Variants in XPO4 observed in about 807,000 individuals in gnomAD.
The protein encoded by XPO4 is exportin 4, also known as exportin-4.
XPO4 carries 39 observed loss-of-function variants against 143.0 expected under a neutral mutation model. That is an observed-to-expected ratio of 0.27 (90% confidence interval 0.21 to 0.36). The LOEUF (loss-of-function observed/expected upper bound fraction) is 0.36, where lower values mean the gene tolerates loss of function less well. Among genes scored for constraint, XPO4 ranks in the 10% least tolerant of loss-of-function variants. The pLI, the probability that XPO4 is intolerant of heterozygous loss-of-function variation, is 1.00. For missense variants in XPO4, 907 were observed against 1,348.0 expected (o/e 0.67, Z 5.12); for synonymous variants, 439 against 474.0 (o/e 0.93, Z 0.96).
intron 7 of XPO4, among the ~76,000 whole-genome samples, chr13:20,824,904 A>G (rs2059764797): frequency 6.6e-6 from 1 of 152,220 alleles, no homozygotes; most frequent in African/African-American, 2.4e-5. Flanking sequence ...ACATCCAGTA[A>G]GCACTGGGAT....
chr13:20,854,159 C>G (rs1009775303), intron 4 of XPO4, among the ~76,000 whole-genome samples: 6 of 151,960 alleles, frequency 3.9e-5, no homozygotes, highest in African/African-American at 1.4e-4. Context: ...CTAAGGAAAA[C>G]AAAAAACACG....
At chr13:20,870,936 C>A (rs1412440163) in intron 1 of XPO4, among the ~76,000 whole-genome samples, 1 of 151,936 alleles carries the variant, frequency 6.6e-6, no homozygotes, top group African/African-American at 2.4e-5. Flanking sequence ...TCAGTCTCCT[C>A]AGTAGCTGGG....
Position 20,902,689 on chromosome 13 carries a change from T to C in XPO4, c.50A>G (p.Asn17Ser), listed in dbSNP as rs2060633829. Residue 17 changes from asparagine to serine, a missense_variant, in exon 1 of 23, where the codon AAC becomes AGC. Coordinates refer to ENST00000255305, the MANE Select transcript of XPO4 (RefSeq NM_022459.5). Reference protein sequence around the residue: ...GPPEVIAQLENAAKVLMAPPS... With the variant: ...GPPEVIAQLESAAKVLMAPPS... ...CCTCACCATCAGAACTTTAGCCGCG[T>C]TCTCCAGCTGAGCGATCACTTCTGG... is the stretch of plus-strand genomic sequence containing the variant. 1 of 1,584,368 alleles carries C rather than the reference T, an allele frequency of 6.3e-7. No homozygotes were observed. The highest frequency in any genetic ancestry group is 8.6e-7 in the Non-Finnish European group (1 of 1,165,978).
chr13:20,897,949 C>T (rs747926921), intron 1 of XPO4, among the ~76,000 whole-genome samples: 5 of 152,084 alleles, frequency 3.3e-5, no homozygotes, highest in Non-Finnish European at 7.3e-5. Context: ...GTCATGGTTT[C>T]GCCATGTTGG....
At chr13:20,823,776 T>C (rs2059750070) in intron 7 of XPO4, among the ~76,000 whole-genome samples, 2 of 152,094 alleles carry the variant, frequency 1.3e-5, no homozygotes, top group Non-Finnish European at 2.9e-5. Flanking sequence ...CTCAGTCTCC[T>C]GAGTAGCTGG....
chr13:20,829,887 C>G (rs1206207555), intron 6 of XPO4, among the ~76,000 whole-genome samples: 1 of 152,044 alleles, frequency 6.6e-6, no homozygotes, highest in Non-Finnish European at 1.5e-5. Context: ...AAACCTAAAC[C>G]AAAATTCTCA....
intron 1 of XPO4, among the ~76,000 whole-genome samples, chr13:20,891,925 C>T (rs949361341): frequency 6.6e-6 from 1 of 151,610 alleles, no homozygotes; most frequent in African/African-American, 2.4e-5. Context: ...TGGACTCAAG[C>T]AATTCTGCCT....
Position 20,779,307 on chromosome 13 carries a change from A to G in XPO4, c.*4415T>C, listed in dbSNP as rs949822563. The G allele has an allele frequency of 6.6e-6, 1 of 152,604 alleles. No individual in the cohort carries two copies. Among genetic ancestry groups the G allele is most frequent in the Admixed American group, 6.5e-5 (1 of 15,282 alleles). 9.5% of individuals were successfully genotyped at this position (152,604 alleles called of 1,614,324 possible). On this transcript the variant is annotated 3_prime_UTR_variant, in exon 23 of 23. Coordinates refer to ENST00000255305, the MANE Select transcript of XPO4 (RefSeq NM_022459.5). ...CAATTTGTAATAATTTTATGTGGTA[A>G]AAGACACCACACCAGGAAGCCTGGG... is the stretch of plus-strand genomic sequence containing the variant.
chr13:20,886,849 G>C (rs552094814), intron 1 of XPO4, among the ~76,000 whole-genome samples: 193 of 152,134 alleles, frequency 1.3e-3, no homozygotes, highest in Non-Finnish European at 2.2e-3. Context: ...CAAGGCGGGC[G>C]TATCACCTGA....
intron 1 of XPO4, among the ~76,000 whole-genome samples, chr13:20,880,501 T>C (rs1207738956): frequency 6.6e-6 from 1 of 151,464 alleles, no homozygotes; most frequent in African/African-American, 2.4e-5. Context: ...CCTCAAAAAA[T>C]CAAAGATAAA....
chr13:20,881,192 A>T (rs942247756), intron 1 of XPO4, among the ~76,000 whole-genome samples: 1 of 152,150 alleles, frequency 6.6e-6, no homozygotes, highest in Non-Finnish European at 1.5e-5. Flanking sequence ...TCCAGTTTGG[A>T]AAAGTTCTGG....
chr13:20,846,328 G>A (rs2060028674), intron 4 of XPO4, among the ~76,000 whole-genome samples: 1 of 152,044 alleles, frequency 6.6e-6, no homozygotes, highest in Admixed American at 6.5e-5. Context: ...TGTGGTTTAC[G>A]GTCAAGATGA....
chr13:20,820,784 T>G (rs1043571284), intron 9 of XPO4, among the ~76,000 whole-genome samples: 6 of 152,222 alleles, frequency 3.9e-5, no homozygotes, highest in African/African-American at 1.4e-4. Flanking sequence ...TCGAGTTCTC[T>G]ATTCTCTGAA....
chr13:20,846,708 C>T (rs2060032871), intron 4 of XPO4, among the ~76,000 whole-genome samples: 1 of 152,120 alleles, frequency 6.6e-6, no homozygotes, highest in African/African-American at 2.4e-5. Flanking sequence ...AAATTGTCTA[C>T]AATCCTACCA....
At chr13:20,801,085 T>G (rs1306741885) in intron 13 of XPO4, 95 bp from the exon 14 acceptor site, 10 of 1,403,466 alleles carry the variant, frequency 7.1e-6, no homozygotes, top group Admixed American at 6.6e-5. Context: ...TGTCTTTCAG[T>G]TCTCTGGATT....
chr13:20,888,692 T>C (rs1218239007), intron 1 of XPO4, among the ~76,000 whole-genome samples: 1 of 151,930 alleles, frequency 6.6e-6, no homozygotes, highest in Non-Finnish European at 1.5e-5. Flanking sequence ...TTGAATACTG[T>C]TGAGAATTAG....
chr13:20,800,853 A>G lies in XPO4; in HGVS notation c.1955T>C (p.Val652Ala), dbSNP rs762944314. 3.1e-6 allele frequency: 5 copies of G among 1,613,800 alleles called. No homozygotes were observed. The African/African-American group carries it at 5.3e-5, about 17-fold the overall frequency. The change falls in exon 14 of 23, where the codon GTG (valine) becomes GCG (alanine). Residue 652 changes from valine (V) to alanine (A), a missense_variant. Coordinates refer to ENST00000255305, the MANE Select transcript of XPO4 (RefSeq NM_022459.5). ...GACCTGATCATACAGTTTTTCATCC[A>G]CCAGGAGATAAGTCTTTGCCCAGCG... The part of the protein sequence containing the change: ...LKRWAKTYLL[V>A]DEKLYDQISL...
intron 4 of XPO4, chr13:20,851,749 A>C (rs969947163): frequency 3.0e-5 from 29 of 979,092 alleles, no homozygotes; most frequent in South Asian, 4.7e-5. Context: ...GAAAGAAAGA[A>C]AGACAGAAAT....
At chr13:20,855,925 TTC>T (rs1187629511) in intron 3 of XPO4, among the ~76,000 whole-genome samples, 160 bp from the exon 4 acceptor site, 2 of 152,028 alleles carry the variant, frequency 1.3e-5, no homozygotes, top group Non-Finnish European at 2.9e-5. Context: ...GAGGCCTGGG[TTC>T]AAACCCAGGC....
Sources: gnomAD v4.1 joint callset for allele counts (sites outside exome capture counted in the v4.1 genomes callset) on GRCh38, gnomAD v4.1.1 for gene constraint, MANE v1.5 for transcripts, NCBI Gene and HGNC (gene_info 2026-07-23, HGNC 2026-07-21) for gene names.